Variants in SDK1 observed in about 807,000 individuals in gnomAD.
The protein encoded by SDK1 is sidekick cell adhesion molecule 1, also known as protein sidekick-1.
In SDK1, 157 loss-of-function variants were observed where a neutral mutation model predicts 245.5. The observed-to-expected ratio is 0.64, with a 90% CI of 0.56 to 0.73. The LOEUF is 0.73. Among genes scored for constraint, SDK1 ranks in the 30% least tolerant of loss-of-function variants. The probability of loss-of-function intolerance (pLI) is 0.00; values close to 1 mark genes in which losing one functional copy is unlikely to be tolerated. For synonymous variants in SDK1, 1,647 were observed against 1,278.5 expected (o/e 1.29, Z -6.15); for missense variants, 3,583 against 3,002.3 (o/e 1.19, Z -4.52).
intron 10 of SDK1, 29 bp downstream of exon 10, chr7:3,967,463 A>T (rs375740956): frequency 2.9e-6 from 4 of 1,365,562 alleles, no homozygotes; most frequent in Non-Finnish European, 4.2e-6. Flanking sequence ...CCACAACAGC[A>T]TGGCCCATGT....
chr7:3,688,249 A>C (rs1417272603), intron 4 of SDK1, among the ~76,000 whole-genome samples: 1 of 152,204 alleles, frequency 6.6e-6, no homozygotes, highest in African/African-American at 2.4e-5. Flanking sequence ...AGTCCTGGAG[A>C]GCAATGAAGT....
At chr7:4,007,855 C>T (rs920997569) in intron 14 of SDK1, among the ~76,000 whole-genome samples, 3 of 152,160 alleles carry the variant, frequency 2.0e-5, no homozygotes, top group African/African-American at 7.2e-5. Flanking sequence ...CCACCTGCCT[C>T]AGCCTCCAAA....
intron 2 of SDK1, among the ~76,000 whole-genome samples, chr7:3,632,299 C>G (rs1370826376): frequency 6.6e-6 from 1 of 152,104 alleles, no homozygotes; most frequent in African/African-American, 2.4e-5. Flanking sequence ...TGCATAATCC[C>G]CAAAGCATTG....
rs1453006516 is a variant in SDK1 at position 4,258,157 on chromosome 7, C to T, written c.6382-6967C>T. Among the ~76,000 whole-genome samples, 31 of 152,140 alleles carry T rather than the reference C, an allele frequency of 2.0e-4. 1 individual carries two copies. Among genetic ancestry groups the T allele is most frequent in the Admixed American group, 1.8e-3 (28 of 15,280 alleles). ...GATACATAGCAACATATATACAAGC[C>T]GTGAAGGAAATGGTATAAACACGCA... On this transcript the variant is annotated intron_variant, in intron 44 of 44. Coordinates refer to ENST00000404826, the MANE Select transcript of SDK1 (RefSeq NM_152744.4).
rs551948592 is a variant in SDK1 at position 4,079,906 on chromosome 7, T to C, written c.3324+322T>C. Among the ~76,000 whole-genome samples, 160 of 152,334 alleles carry C rather than the reference T, an allele frequency of 1.1e-3. 1 individual carries two copies. Among genetic ancestry groups the C allele is most frequent in the African/African-American group, 3.7e-3 (154 of 41,572 alleles). ...AAAATTCTATATCACAATTAGCTACTAAATATACTAATAGGATTAATTGCT... is the reference window on the plus strand; with the variant it reads ...AAAATTCTATATCACAATTAGCTACCAAATATACTAATAGGATTAATTGCT... On this transcript the variant is annotated intron_variant, in intron 22 of 44. Coordinates refer to ENST00000404826, the MANE Select transcript of SDK1 (RefSeq NM_152744.4).
chr7:3,962,543 T>A, intron 8 of SDK1, 114 bp from the exon 9 acceptor site: 1 of 942,762 alleles, frequency 1.1e-6, no homozygotes, highest in Non-Finnish European at 1.6e-6. Flanking sequence ...AAAGCACGAA[T>A]ACACAAGAAA....
At chr7:4,202,762 T>G (rs1268290145) in intron 35 of SDK1, among the ~76,000 whole-genome samples, 1 of 151,468 alleles carries the variant, frequency 6.6e-6, no homozygotes, top group Non-Finnish European at 1.5e-5. Context: ...CGTTTTGTTT[T>G]GTTTTTTTCT....
At chr7:3,463,064 C>T (rs563651823) in intron 1 of SDK1, among the ~76,000 whole-genome samples, 1 of 152,156 alleles carries the variant, frequency 6.6e-6, no homozygotes. Flanking sequence ...TGGGGCTTTG[C>T]ACTTGTTTCT....
intron 1 of SDK1, among the ~76,000 whole-genome samples, chr7:3,455,860 A>G (rs1780649760): frequency 6.6e-6 from 1 of 152,226 alleles, no homozygotes; most frequent in Non-Finnish European, 1.5e-5. Context: ...CAATAGATCA[A>G]TTTGGCGAGG....
rs2128173324 is a variant in SDK1, at chr7:4,067,922, A to C, written c.2996A>C (p.Asn999Thr). Reference sequence around the variant, plus strand: ...AGCTGGCAGGAGCCCCTGGAGAAAAATGGCATCATTACTGGTAAGTAGGCC... The same window carrying C: ...AGCTGGCAGGAGCCCCTGGAGAAAACTGGCATCATTACTGGTAAGTAGGCC... The part of the protein sequence containing the change: ...KVSWQEPLEK[N>T]GIITGYQISW... The change falls in exon 20 of 45, where the codon AAT becomes ACT. Residue 999 changes from asparagine (N) to threonine (T), a missense_variant. Coordinates refer to ENST00000404826, the MANE Select transcript of SDK1 (RefSeq NM_152744.4). 1.2e-6 allele frequency: 2 copies of C among 1,611,170 alleles called. No homozygotes were observed. The highest frequency in any genetic ancestry group is 1.7e-6 in the Non-Finnish European group (2 of 1,178,292).
intron 1 of SDK1, among the ~76,000 whole-genome samples, chr7:3,369,634 A>G (rs1190796298): frequency 6.6e-6 from 1 of 152,360 alleles, no homozygotes; most frequent in South Asian, 2.1e-4. Context: ...ATAAGAGGAT[A>G]GCACAAAATG....
intron 1 of SDK1, among the ~76,000 whole-genome samples, chr7:3,305,191 T>C (rs1386795997): frequency 6.6e-6 from 1 of 152,232 alleles, no homozygotes; most frequent in East Asian, 1.9e-4. Context: ...GCCCCTGCTT[T>C]GTGCTGCCTG....
chr7:3,578,912 C>T (rs1036026371), intron 1 of SDK1, among the ~76,000 whole-genome samples: 3 of 151,830 alleles, frequency 2.0e-5, no homozygotes, highest in Admixed American at 6.6e-5. Context: ...CCTGAGGTGA[C>T]ATACATCCTC....
chr7:4,074,856 T>TACTTTCCCTCTCTCTCTCTC (rs1486926440), intron 20 of SDK1, among the ~76,000 whole-genome samples: 1 of 72,332 alleles, frequency 1.4e-5, no homozygotes, highest in South Asian at 5.1e-4. Context: ...GAGCAAGACT[T>TACTTTCCCTCTCTCTCTCTC]TCTCTCTCTC....
At chr7:3,453,138 C>T (rs756130739) in intron 1 of SDK1, among the ~76,000 whole-genome samples, 6 of 152,214 alleles carry the variant, frequency 3.9e-5, no homozygotes, top group East Asian at 1.9e-4. Context: ...TAACCCCCCC[C>T]GGTTTTCCAA....
intron 5 of SDK1, among the ~76,000 whole-genome samples, chr7:3,881,276 C>A (rs971992763): frequency 1.3e-5 from 2 of 152,086 alleles, no homozygotes; most frequent in Admixed American, 6.6e-5. Flanking sequence ...ACAGGCCCCC[C>A]AGTGTGTGTT....
intron 4 of SDK1, among the ~76,000 whole-genome samples, chr7:3,656,385 C>G (rs1306335205): frequency 6.6e-6 from 1 of 152,108 alleles, no homozygotes; most frequent in Admixed American, 6.5e-5. Context: ...TGCTACTCTC[C>G]CCAAACACAG....
At chr7:4,148,220 C>T (rs1260314940) in intron 29 of SDK1, among the ~76,000 whole-genome samples, 6 of 152,206 alleles carry the variant, frequency 3.9e-5, no homozygotes, top group South Asian at 2.1e-4. Context: ...TGAAGTGAGA[C>T]GGGAGCCCTC....
rs143751308 is a variant in SDK1, at chr7:3,358,732, C to G, written c.298+56848C>G. On this transcript the variant is annotated intron_variant, in intron 1 of 44. Coordinates refer to ENST00000404826, the MANE Select transcript of SDK1 (RefSeq NM_152744.4). ...CAATTGGCAGTCATCCCCTGGAAGACTTAATTTGAGGTCTTTATACGTACT... is the reference window on the plus strand; with the variant it reads ...CAATTGGCAGTCATCCCCTGGAAGAGTTAATTTGAGGTCTTTATACGTACT... 4.7e-3 allele frequency among the ~76,000 whole-genome samples: 709 copies of G among 152,268 alleles called. 8 individuals carry two copies. Among genetic ancestry groups the G allele is most frequent in the African/African-American group, 0.016 (666 of 41,538 alleles).
Sources: allele counts gnomAD v4.1 joint callset (sites outside exome capture counted in the v4.1 genomes callset), GRCh38; gene constraint gnomAD v4.1.1; transcripts MANE v1.5; gene names NCBI Gene and HGNC (gene_info 2026-07-23, HGNC 2026-07-21).